Variants in PTCHD4 observed in about 807,000 individuals in gnomAD.
PTCHD4 encodes the protein patched domain containing 4, also known as patched domain-containing protein 4.
A neutral mutation model predicts 58.1 loss-of-function variants in PTCHD4; 33 were observed. The ratio of observed to expected loss-of-function variants is 0.57; its 90% CI spans 0.43 to 0.76. The LOEUF (loss-of-function observed/expected upper bound fraction) is 0.76. PTCHD4 is among the 30% of genes least tolerant of loss of function. The pLI is 0.00. For missense variants in PTCHD4, 1,058 were observed against 1,027.1 expected, an observed-to-expected ratio of 1.03 and a Z score of -0.41; for synonymous variants, 478 against 409.6, an observed-to-expected ratio of 1.17 and a Z score of -2.02.
chr6:47,929,431 A>G (rs1199757740), intron 4 of PTCHD4, among the ~76,000 whole-genome samples: 2 of 152,200 alleles, frequency 1.3e-5, no homozygotes, highest in African/African-American at 4.8e-5. Flanking sequence ...GATAAGCTCA[A>G]AGGGATGCTT....
Position 47,879,073 on chromosome 6 carries a change from C to A in PTCHD4, c.1762G>T (p.Asp588Tyr). ...TCCCCTGCCTTGGAGAAGATGATAT[C>A]ATTTCGAAAATGCTGGAATTCTGGC... ...KKPEFQHFRNDIIFSKAGDES... is the reference protein window; with the variant it reads ...KKPEFQHFRNYIIFSKAGDES... The change falls in exon 5 of 5, where the codon GAT (aspartate) becomes TAT (tyrosine). Residue 588 changes from aspartate (D) to tyrosine (Y), a missense_variant. Coordinates refer to ENST00000339488, the MANE Select transcript of PTCHD4 (RefSeq NM_001384253.1). 1.2e-6 allele frequency: 2 copies of A among 1,613,366 alleles called. No individual in the cohort carries two copies. Among genetic ancestry groups the A allele is most frequent in the Non-Finnish European group, 1.7e-6 (2 of 1,179,724 alleles).
chr6:48,046,322 A>G (rs1392563679), intron 3 of PTCHD4, among the ~76,000 whole-genome samples: 1 of 151,802 alleles, frequency 6.6e-6, no homozygotes, highest in Non-Finnish European at 1.5e-5. Flanking sequence ...AAATAACTGA[A>G]GATGCAAGTA....
At chr6:47,885,137 T>A (rs887523725) in intron 4 of PTCHD4, among the ~76,000 whole-genome samples, 1 of 152,218 alleles carries the variant, frequency 6.6e-6, no homozygotes, top group Non-Finnish European at 1.5e-5. Flanking sequence ...CTCGGGACAT[T>A]ATTAGATGAC....
rs527240808 is a variant in PTCHD4 at position 47,880,282 on chromosome 6, C to T, written c.899-346G>A. On this transcript the variant is annotated intron_variant, in intron 4 of 4. Coordinates refer to ENST00000339488, the MANE Select transcript of PTCHD4 (RefSeq NM_001384253.1). The stretch of plus-strand genomic sequence containing the variant: ...AGACAGTTTTGTCAACGGCAGGGGC[C>T]GTTATTTGTGCGCCTTCAAATGACC... 1.2e-4 allele frequency among the ~76,000 whole-genome samples: 19 copies of T among 152,278 alleles called. 1 individual carries two copies. Among genetic ancestry groups the T allele is most frequent in the South Asian group, 4.1e-4 (2 of 4,830 alleles).
Position 47,882,515 on chromosome 6 carries a change from A to G in PTCHD4, c.899-2579T>C, listed in dbSNP as rs545063330. On this transcript the variant is annotated intron_variant, in intron 4 of 4. Transcript: ENST00000339488. ...ATTTGACTGTCACAATAATCTGCCC[A>G]TTTTCTAGCAGTTCAAATGTATTGC... 4.6e-5 allele frequency among the ~76,000 whole-genome samples: 7 copies of G among 151,808 alleles called. No homozygotes were observed. The South Asian group carries it at 1.5e-3, about 32-fold the overall frequency.
Position 47,860,329 on chromosome 6 carries a change from A to G in PTCHD4, c.*17974T>C, listed in dbSNP as rs1763394927. Among the ~76,000 whole-genome samples, 1 of 152,082 alleles carries G rather than the reference A, an allele frequency of 6.6e-6. No homozygotes were observed. The highest frequency in any genetic ancestry group is 1.5e-5 in the Non-Finnish European group (1 of 67,980). ...CAAGAAAGAAATGAAAGAAATATAT[A>G]AAACTGTCAATTAAGAAAAGACAAA... is the stretch of plus-strand genomic sequence containing the variant. On this transcript the variant is annotated 3_prime_UTR_variant, in exon 5 of 5. Transcript: ENST00000339488.
chr6:48,105,315 A>G lies in PTCHD4; in HGVS notation c.-970+5734T>C, dbSNP rs1309045478. 3.3e-5 allele frequency among the ~76,000 whole-genome samples: 5 copies of G among 152,290 alleles called. No individual in the cohort carries two copies. The South Asian group carries it at 8.3e-4, about 25-fold the overall frequency. ...TAAGAAACTCACTCAAAACTGCTCAACTACATGGAAACTGAACAACCTGCT... is the reference window on the plus strand; with the variant it reads ...TAAGAAACTCACTCAAAACTGCTCAGCTACATGGAAACTGAACAACCTGCT... On this transcript the variant is annotated intron_variant, in intron 1 of 4. Transcript: ENST00000339488.
At chr6:48,109,803 C>G (rs1309130057) in intron 1 of PTCHD4, among the ~76,000 whole-genome samples, 1 of 151,938 alleles carries the variant, frequency 6.6e-6, no homozygotes, top group Non-Finnish European at 1.5e-5. Context: ...AGAAAACATA[C>G]AAGTCGCCAA....
At chr6:48,072,562 G>C (rs1764994700) in intron 1 of PTCHD4, among the ~76,000 whole-genome samples, 1 of 152,130 alleles carries the variant, frequency 6.6e-6, no homozygotes, top group Non-Finnish European at 1.5e-5. Context: ...TTTTATTGGA[G>C]AATGGTACTA....
At chr6:48,104,505 T>A (rs1402716030) in intron 1 of PTCHD4, among the ~76,000 whole-genome samples, 2 of 152,088 alleles carry the variant, frequency 1.3e-5, no homozygotes, top group Non-Finnish European at 2.9e-5. Context: ...ACATGCCAAA[T>A]TGTAAAGACC....
At chr6:47,891,557 C>G (rs1764382332) in intron 4 of PTCHD4, among the ~76,000 whole-genome samples, 1 of 152,174 alleles carries the variant, frequency 6.6e-6, no homozygotes, top group African/African-American at 2.4e-5. Flanking sequence ...TACCCTTACT[C>G]TAGTATTTTC....
intron 4 of PTCHD4, among the ~76,000 whole-genome samples, chr6:47,906,233 C>CA (rs1341054654): frequency 6.6e-6 from 1 of 151,982 alleles, no homozygotes; most frequent in African/African-American, 2.4e-5. Context: ...TTAGTTAAAC[C>CA]AAAAAATAAA....
chr6:48,009,342 C>T (rs1044474706), intron 3 of PTCHD4, among the ~76,000 whole-genome samples: 1 of 152,164 alleles, frequency 6.6e-6, no homozygotes, highest in Non-Finnish European at 1.5e-5. Context: ...TACAAAGCTA[C>T]AGAAGAATTG....
intron 3 of PTCHD4, among the ~76,000 whole-genome samples, chr6:48,064,524 A>G (rs1393048074): frequency 2.6e-5 from 4 of 152,196 alleles, no homozygotes; most frequent in Admixed American, 2.6e-4. Context: ...CTATTACTGT[A>G]TACAATAGTA....
intron 1 of PTCHD4, among the ~76,000 whole-genome samples, chr6:48,110,415 T>A (rs562316642): frequency 3.4e-4 from 52 of 152,060 alleles, no homozygotes; most frequent in South Asian, 8.3e-4. Flanking sequence ...CAGATTTTTT[T>A]AAAAAATAGA....
At chr6:48,036,972 G>A (rs1396126459) in intron 3 of PTCHD4, among the ~76,000 whole-genome samples, 1 of 152,096 alleles carries the variant, frequency 6.6e-6, no homozygotes, top group African/African-American at 2.4e-5. Context: ...GCAACTTGTT[G>A]TTCTTCAGCA....
At chr6:47,922,555 G>A (rs541358790) in intron 4 of PTCHD4, among the ~76,000 whole-genome samples, 1 of 152,290 alleles carries the variant, frequency 6.6e-6, no homozygotes, top group African/African-American at 2.4e-5. Flanking sequence ...CCAGATAAAG[G>A]AATCCCTTCC....
At chr6:48,046,380 C>T (rs1191142986) in intron 3 of PTCHD4, among the ~76,000 whole-genome samples, 1 of 151,750 alleles carries the variant, frequency 6.6e-6, no homozygotes, top group African/African-American at 2.4e-5. Context: ...AGTGAATTCT[C>T]CCAGTCTCCT....
chr6:47,994,281 C>G (rs1215032061), intron 4 of PTCHD4, among the ~76,000 whole-genome samples: 6 of 152,090 alleles, frequency 3.9e-5, no homozygotes, highest in African/African-American at 1.2e-4. Context: ...AGCATGAACC[C>G]CATGCAAGGC....
Sources: gnomAD v4.1 joint callset for allele counts (sites outside exome capture counted in the v4.1 genomes callset) on GRCh38, gnomAD v4.1.1 for gene constraint, MANE v1.5 for transcripts, NCBI Gene and HGNC (gene_info 2026-07-23, HGNC 2026-07-21) for gene names.